The following MYOM1 variants were observed in gnomAD, a reference collection of about 807,000 sequenced individuals.
The protein encoded by MYOM1 is myomesin 1.
In MYOM1, 164 loss-of-function variants were observed where a neutral mutation model predicts 205.3. That is an observed-to-expected ratio of 0.80 (90% confidence interval 0.70 to 0.91). MYOM1 has a LOEUF of 0.91. MYOM1 is among the 40% of genes least tolerant of loss of function. The probability of loss-of-function intolerance (pLI) is 0.00; values close to 1 mark genes in which losing one functional copy is unlikely to be tolerated. For synonymous variants in MYOM1, 772 were observed against 789.4 expected, an observed-to-expected ratio of 0.98 and a Z score of 0.37; for missense variants, 2,011 against 2,127.3, an observed-to-expected ratio of 0.95 and a Z score of 1.08.
chr18:3,207,039 A>C (rs2081132701), intron 2 of MYOM1, among the ~76,000 whole-genome samples: 1 of 151,824 alleles, frequency 6.6e-6, no homozygotes, highest in African/African-American at 2.4e-5. Flanking sequence ...TATAACCGCA[A>C]TTTTTTCATT....
At chr18:3,139,264 A>G (rs1052209358) in intron 14 of MYOM1, among the ~76,000 whole-genome samples, 1 of 152,230 alleles carries the variant, frequency 6.6e-6, no homozygotes, top group Non-Finnish European at 1.5e-5. Context: ...CGAGTGATAC[A>G]GTCCTTGTCT....
At chr18:3,178,011 C>T (rs1598745725) in intron 5 of MYOM1, among the ~76,000 whole-genome samples, 1 of 152,126 alleles carries the variant, frequency 6.6e-6, no homozygotes, top group Admixed American at 6.5e-5. Flanking sequence ...TGGGTCTGTA[C>T]GTGGCGCCTG....
chr18:3,080,557 C>T (rs770821817), intron 33 of MYOM1, among the ~76,000 whole-genome samples: 6 of 151,534 alleles, frequency 4.0e-5, no homozygotes, highest in Non-Finnish European at 7.4e-5. Flanking sequence ...GCCTGTAGTC[C>T]CAGCTACTCA....
At chr18:3,085,324 T>C (rs1323256521) in intron 30 of MYOM1, among the ~76,000 whole-genome samples, 192 bp from the exon 31 acceptor site, 1 of 146,370 alleles carries the variant, frequency 6.8e-6, no homozygotes, top group Non-Finnish European at 1.5e-5. Flanking sequence ...TGTGTGATTA[T>C]AGCTCACTGT....
rs570395268 is a variant in MYOM1, at chr18:3,219,396, C to T, written c.-29+407G>A. On this transcript the variant is annotated intron_variant, in intron 1 of 37. Coordinates refer to ENST00000356443, the MANE Select transcript of MYOM1 (RefSeq NM_003803.4). This position sits in a 1 kb window ranked among gnomAD's most constrained non-coding sequence, Gnocchi z 4.4. ...ACTTCAGAGTTAATTTTCCTTCTTT[C>T]GGTCTAATTTGTAACCAGGGAGCAT... Among the ~76,000 whole-genome samples, 126 of 152,262 alleles carry T rather than the reference C, an allele frequency of 8.3e-4. 2 individuals are homozygous for T. The highest frequency in any genetic ancestry group is 5.2e-3 in the South Asian group (25 of 4,818).
chr18:3,124,077 TC>T (rs1382735501), intron 19 of MYOM1, among the ~76,000 whole-genome samples: 10 of 150,980 alleles, frequency 6.6e-5, no homozygotes, highest in Non-Finnish European at 1.2e-4. Context: ...CCTCAAGTGA[TC>T]CCCCCACCTC....
chr18:3,078,261 C>T (rs557229709), intron 34 of MYOM1, among the ~76,000 whole-genome samples: 176 of 151,970 alleles, frequency 1.2e-3, no homozygotes, highest in African/African-American at 3.7e-3. Context: ...AGGCTGGTGT[C>T]GAACTCCTGA....
At chr18:3,186,402 GA>G (rs1313136792) in intron 5 of MYOM1, among the ~76,000 whole-genome samples, 1 of 151,994 alleles carries the variant, frequency 6.6e-6, no homozygotes, top group Non-Finnish European at 1.5e-5. Flanking sequence ...CTGAAAATAA[GA>G]AAAAAGCATG....
At chr18:3,109,571 A>G (rs548834001) in intron 22 of MYOM1, among the ~76,000 whole-genome samples, 2 of 152,304 alleles carry the variant, frequency 1.3e-5, no homozygotes, top group East Asian at 3.9e-4. Context: ...ATTTTCTCAG[A>G]AACAACCTCT....
intron 19 of MYOM1, among the ~76,000 whole-genome samples, chr18:3,122,847 G>A (rs576641306): frequency 7.9e-5 from 12 of 152,226 alleles, no homozygotes; most frequent in African/African-American, 1.2e-4. Flanking sequence ...GTTGGCAAAC[G>A]GGGAATAGAA....
Position 3,083,841 on chromosome 18 carries a change from A to G in MYOM1, c.4432T>C (p.Tyr1478His), listed in dbSNP as rs1030262505. 1.3e-5 allele frequency: 20 copies of G among 1,583,902 alleles called. No individual in the cohort carries two copies. The highest frequency in any genetic ancestry group is 1.7e-5 in the Non-Finnish European group (20 of 1,163,664). The change falls in exon 33 of 38, where the codon TAC becomes CAC. Residue 1478 changes from tyrosine to histidine, a missense_variant. Transcript: ENST00000356443. The part of the protein sequence containing the change: ...IQSTAEGIQL[Y>H]SFVTYYVEDL... ...TCCACATAGTAAGTTACAAAAGAGT[A>G]CAGTTGGATGCCCTCGGCTGTGCTC... is the stretch of plus-strand genomic sequence containing the variant.
Position 3,134,229 on chromosome 18 carries a change from C to T in MYOM1, c.2384+421G>A, listed in dbSNP as rs191453633. On this transcript the variant is annotated intron_variant, in intron 16 of 37. Transcript: ENST00000356443. The stretch of plus-strand genomic sequence containing the variant: ...AGAGATGGGGTCTCCCTATGCTGTC[C>T]AGGCTGGCAGTGGCTATTTACAGGC... Among the ~76,000 whole-genome samples, 18 of 152,158 alleles carry T rather than the reference C, an allele frequency of 1.2e-4. No individual in the cohort carries two copies. In the East Asian group the frequency reaches 3.5e-3, roughly 29 times the overall value.
chr18:3,211,488 A>G (rs1351329356), intron 2 of MYOM1, among the ~76,000 whole-genome samples: 4 of 152,214 alleles, frequency 2.6e-5, no homozygotes, highest in Non-Finnish European at 5.9e-5. Context: ...TACTGAAACC[A>G]TTCATGGACA....
intron 5 of MYOM1, among the ~76,000 whole-genome samples, chr18:3,178,168 C>T (rs147323732): frequency 9.8e-5 from 15 of 152,332 alleles, no homozygotes; most frequent in Middle Eastern, 3.4e-3. Flanking sequence ...GCACAGATGA[C>T]GTCAATAACC....
chr18:3,157,340 TC>T (rs1317020480), intron 10 of MYOM1, among the ~76,000 whole-genome samples: 2 of 152,122 alleles, frequency 1.3e-5, no homozygotes, highest in African/African-American at 4.8e-5. Flanking sequence ...TCTCATTCAT[TC>T]ATTCTCTCAT....
chr18:3,226,899 G>A, the MYOM1 span, among the ~76,000 whole-genome samples: 6 of 152,228 alleles, frequency 3.9e-5, no homozygotes, highest in Non-Finnish European at 8.8e-5. The surrounding 1 kb of genome is among the most constrained non-coding windows in gnomAD (Gnocchi z 4.6). Flanking sequence ...CCAGGGATCA[G>A]CTGTTCAGCT....
At chr18:3,213,131 C>G (rs1296109717) in intron 2 of MYOM1, among the ~76,000 whole-genome samples, 1 of 152,202 alleles carries the variant, frequency 6.6e-6, no homozygotes, top group East Asian at 1.9e-4. Context: ...TGCTCAAACC[C>G]AACAGGGATT....
chr18:3,222,924 C>T (rs2081337851), upstream of MYOM1, among the ~76,000 whole-genome samples: 1 of 152,002 alleles, frequency 6.6e-6, no homozygotes, highest in African/African-American at 2.4e-5. Flanking sequence ...CTCTGTTGCT[C>T]AGGCTGGAAT....
Position 3,083,883 on chromosome 18 carries a change from T to C in MYOM1, c.4390A>G (p.Thr1464Ala), listed in dbSNP as rs755587149. The change falls in exon 33 of 38, where the codon ACA (threonine) becomes GCA (alanine). Residue 1464 changes from threonine (T) to alanine (A), a missense_variant. Thr to Ala is a moderately conservative substitution (Grantham distance 58, BLOSUM62 0). Transcript: ENST00000356443. Reference protein sequence around the residue: ...EVCKKIALSATDLKIQSTAEG... With the variant: ...EVCKKIALSAADLKIQSTAEG... The stretch of plus-strand genomic sequence containing the variant: ...GCTGTGCTCTGGATTTTCAGGTCTG[T>C]AGCAGACAAAGCTGAAAGAAGAAAA... 1 of 1,581,072 alleles carries C rather than the reference T, an allele frequency of 6.3e-7. No homozygotes were observed. Among genetic ancestry groups the C allele is most frequent in the Non-Finnish European group, 8.6e-7 (1 of 1,161,946 alleles).
Sources: allele counts gnomAD v4.1 joint callset (sites outside exome capture counted in the v4.1 genomes callset), GRCh38; gene constraint gnomAD v4.1.1; non-coding constraint Gnocchi (gnomAD v3.1); transcripts MANE v1.5; gene names NCBI Gene and HGNC (gene_info 2026-07-23, HGNC 2026-07-21).